The following PDPR variants were observed in gnomAD, a reference collection of about 807,000 sequenced individuals.
PDPR encodes the protein pyruvate dehydrogenase phosphatase regulatory subunit, also known as pyruvate dehydrogenase phosphatase regulatory subunit, mitochondrial.
PDPR carries 50 observed loss-of-function variants against 102.2 expected under a neutral mutation model. That is an observed-to-expected ratio of 0.49 (90% confidence interval 0.39 to 0.62). PDPR has a LOEUF of 0.62. Ranked by LOEUF, PDPR falls within the 20% of genes least tolerant of loss-of-function variation. The pLI is 0.00. For synonymous variants in PDPR, 259 were observed against 406.0 expected (o/e 0.64, Z 4.35); for missense variants, 625 against 1,098.2 (o/e 0.57, Z 6.09).
chr16:70,145,268 G>A (rs1966138079), intron 15 of PDPR, among the ~76,000 whole-genome samples: 1 of 152,234 alleles, frequency 6.6e-6, no homozygotes. Flanking sequence ...CTCCCAAGTA[G>A]CTGGGATTAT....
chr16:70,119,603 C>T (rs933286487), intron 2 of PDPR, among the ~76,000 whole-genome samples: 2 of 148,734 alleles, frequency 1.3e-5, no homozygotes, highest in South Asian at 2.1e-4. Flanking sequence ...TGCACATGCT[C>T]GTCTCAGTGT....
At chr16:70,115,145 A>G (rs1425748242) in intron 2 of PDPR, among the ~76,000 whole-genome samples, 3 of 151,620 alleles carry the variant, frequency 2.0e-5, no homozygotes, top group Non-Finnish European at 4.4e-5. Context: ...TTTTTCCGAG[A>G]CAGAGTTTCA....
Position 70,161,306 on chromosome 16 carries a change from GAT to G in PDPR, c.*4429_*4430del, listed in dbSNP as rs1967768585. 6.8e-6 allele frequency: 1 copy of G among 147,502 alleles called. No individual in the cohort carries two copies. Among genetic ancestry groups the G allele is most frequent in the African/African-American group, 2.5e-5 (1 of 39,622 alleles). The allele number at this position is 147,502 out of a possible 1,614,324, so 9.1% of individuals were successfully genotyped here. On this transcript the variant is annotated 3_prime_UTR_variant, in exon 19 of 19. Coordinates refer to ENST00000288050, the MANE Select transcript of PDPR (RefSeq NM_017990.5). ...CAAAAAAAAAAAAAAAAAAATCTAA[GAT>G]AGAGGTTTGGTCAACAGTGCTTAAT... is the stretch of plus-strand genomic sequence containing the variant.
chr16:70,154,720 G>A (rs1488802708), intron 18 of PDPR, among the ~76,000 whole-genome samples: 1 of 152,220 alleles, frequency 6.6e-6, no homozygotes, highest in Non-Finnish European at 1.5e-5. Flanking sequence ...TTGGCTCACT[G>A]CAATGCCCTC....
At chr16:70,141,131 G>A (rs1396399379) in intron 11 of PDPR, among the ~76,000 whole-genome samples, 2 of 152,090 alleles carry the variant, frequency 1.3e-5, no homozygotes, top group Admixed American at 1.3e-4. Context: ...TCGGCTCACT[G>A]CAACCTCTGC....
Position 70,158,947 on chromosome 16 carries a change from C to T in PDPR, c.*2068C>T, listed in dbSNP as rs1278168014. On this transcript the variant is annotated 3_prime_UTR_variant, in exon 19 of 19. Transcript: ENST00000288050. ...CCAGAAGAATTTAGTTACACATAGA[C>T]ATAACTCTTCAACCTTAACTATGGC... 1 of 152,372 alleles carries T rather than the reference C, an allele frequency of 6.6e-6. No homozygotes were observed. Among genetic ancestry groups the T allele is most frequent in the Non-Finnish European group, 1.5e-5 (1 of 68,088 alleles). 9.4% of individuals were successfully genotyped at this position (152,372 alleles called of 1,614,324 possible).
At chr16:70,115,842 C>A (rs897050101) in intron 2 of PDPR, among the ~76,000 whole-genome samples, 20 of 152,110 alleles carry the variant, frequency 1.3e-4, no homozygotes, top group Non-Finnish European at 2.4e-4. Flanking sequence ...TGATGTGCTT[C>A]ATTTCTGTCT....
In PDPR at chr16:70,156,603, C is replaced by T; in HGVS notation, c.2364C>T (p.Pro788=). 2 of 1,614,090 alleles carry T rather than the reference C, an allele frequency of 1.2e-6. No individual in the cohort carries two copies. Among genetic ancestry groups the T allele is most frequent in the Non-Finnish European group, 1.7e-6 (2 of 1,179,908 alleles). The change falls in exon 19 of 19, where the codon CCC becomes CCT. Residue 788 remains proline, a synonymous_variant. Transcript: ENST00000288050. ...DLDLWPWWGE[P]IYRNGQYVGK... ...ACCTTTGGCCTTGGTGGGGAGAGCC[C>T]ATTTACCGGAATGGGCAGTATGTTG...
chr16:70,118,578 A>C (rs894656798), intron 2 of PDPR, among the ~76,000 whole-genome samples: 1 of 152,216 alleles, frequency 6.6e-6, no homozygotes, highest in Non-Finnish European at 1.5e-5. Flanking sequence ...CTGTGTTGCC[A>C]TTGGGACAGA....
At chr16:70,149,527 A>G (rs967526247) in intron 17 of PDPR, among the ~76,000 whole-genome samples, 3 of 152,204 alleles carry the variant, frequency 2.0e-5, no homozygotes, top group Admixed American at 6.5e-5. Context: ...CAGCCTCCCA[A>G]AGTGCTGGGA....
At chr16:70,127,967 G>A in intron 4 of PDPR, among the ~76,000 whole-genome samples, 1 of 151,674 alleles carries the variant, frequency 6.6e-6, no homozygotes, top group East Asian at 1.9e-4. Flanking sequence ...CTGCCCTTGA[G>A]ATGGTGACCT....
At chr16:70,134,054 T>C (rs1294218439) in intron 9 of PDPR, among the ~76,000 whole-genome samples, 2 of 152,228 alleles carry the variant, frequency 1.3e-5, no homozygotes, top group African/African-American at 4.8e-5. Flanking sequence ...TTTATTCACC[T>C]AAAATTATTG....
intron 10 of PDPR, among the ~76,000 whole-genome samples, 172 bp downstream of exon 10, chr16:70,136,558 C>T (rs1322129728): frequency 1.3e-5 from 2 of 152,086 alleles, no homozygotes; most frequent in African/African-American, 4.8e-5. Flanking sequence ...GTATGAGAGG[C>T]TCCCCATGTT....
At chr16:70,125,723 T>C (rs1963895810) in intron 3 of PDPR, among the ~76,000 whole-genome samples, 1 of 152,144 alleles carries the variant, frequency 6.6e-6, no homozygotes, top group Non-Finnish European at 1.5e-5. Flanking sequence ...AACCTCTGCC[T>C]CCTGGGTTCA....
At chr16:70,134,710 C>A (rs1250052626) in intron 9 of PDPR, among the ~76,000 whole-genome samples, 2 of 150,948 alleles carry the variant, frequency 1.3e-5, no homozygotes, top group Non-Finnish European at 2.9e-5. Context: ...TGCTGGAACC[C>A]GGGAGGCAGA....
At chr16:70,115,357 C>T (rs1413215255) in intron 2 of PDPR, among the ~76,000 whole-genome samples, 1 of 152,094 alleles carries the variant, frequency 6.6e-6, no homozygotes, top group African/African-American at 2.4e-5. Context: ...CTCCTGACCT[C>T]GTGATTCTCC....
intron 18 of PDPR, among the ~76,000 whole-genome samples, chr16:70,154,379 C>T (rs952229603): frequency 3.3e-5 from 5 of 152,218 alleles, no homozygotes; most frequent in East Asian, 1.9e-4. Context: ...TGCGGTGGCT[C>T]ACAACTGTAA....
chr16:70,122,846 TACACACATAC>T (rs1963473775), intron 3 of PDPR, among the ~76,000 whole-genome samples: 1 of 61,180 alleles, frequency 1.6e-5, no homozygotes, highest in South Asian at 3.7e-4. Flanking sequence ...TATATCTGTA[TACACACATAC>T]ACACACACAC....
chr16:70,150,955 G>A (rs1966685386), intron 17 of PDPR, among the ~76,000 whole-genome samples: 1 of 152,198 alleles, frequency 6.6e-6, no homozygotes, highest in Non-Finnish European at 1.5e-5. Flanking sequence ...TTTGTTTTTA[G>A]ACGGAGCCTC....
Sources: gnomAD v4.1 joint callset for allele counts (sites outside exome capture counted in the v4.1 genomes callset) on GRCh38, gnomAD v4.1.1 for gene constraint, MANE v1.5 for transcripts, NCBI Gene and HGNC (gene_info 2026-07-23, HGNC 2026-07-21) for gene names.